Variants in KIAA0319 observed in about 807,000 individuals in gnomAD.
KIAA0319 encodes dyslexia-associated protein KIAA0319.
A neutral mutation model predicts 108.4 loss-of-function variants in KIAA0319; 83 were observed. The observed-to-expected ratio is 0.77, with a 90% CI of 0.64 to 0.92. The LOEUF (loss-of-function observed/expected upper bound fraction) is 0.92. Among genes scored for constraint, KIAA0319 ranks in the 40% least tolerant of loss-of-function variants. The pLI, the probability that KIAA0319 is intolerant of heterozygous loss-of-function variation, is 0.00. For synonymous variants in KIAA0319, 484 were observed against 510.4 expected (o/e 0.95, Z 0.70); for missense variants, 1,195 against 1,322.4 (o/e 0.90, Z 1.49).
chr6:24,645,027 T>A (rs187616200), intron 1 of KIAA0319, among the ~76,000 whole-genome samples: 1 of 152,324 alleles, frequency 6.6e-6, no homozygotes, highest in East Asian at 1.9e-4. Context: ...ATTGAAGCAT[T>A]TGGAAAGTGA....
chr6:24,552,701 G>A (rs972962140), intron 19 of KIAA0319, among the ~76,000 whole-genome samples: 5 of 152,136 alleles, frequency 3.3e-5, no homozygotes, highest in African/African-American at 1.2e-4. Flanking sequence ...TTCCTCCCGG[G>A]TTCAAGCGAT....
chr6:24,596,592 C>A lies in KIAA0319; in HGVS notation c.82G>T (p.Gly28Trp). 6.2e-7 allele frequency: 1 copy of A among 1,610,970 alleles called. No homozygotes were observed. The highest frequency in any genetic ancestry group is 1.1e-5 in the South Asian group (1 of 91,022). ...ATGACTGCATTGGAATATGTCCTCC[C>A]CTCGCTGCACTGCTTACGGGCACAA... The part of the protein sequence containing the change: ...AGCARKQCSE[G>W]RTYSNAVISP... The change falls in exon 3 of 21, where the codon GGG becomes TGG. Residue 28 changes from glycine (G) to tryptophan (W), a missense_variant. Transcript: ENST00000378214.
chr6:24,601,110 C>T lies in KIAA0319; in HGVS notation c.-7G>A. The T allele has an allele frequency of 6.2e-7, 1 of 1,614,058 alleles. No homozygotes were observed. Among genetic ancestry groups the T allele is most frequent in the South Asian group, 1.1e-5 (1 of 91,068 alleles). ...CACCTGTGGGGGGCGCCATTGTGCA[C>T]CACACAGTGGGTGATGGCAGGCTTC... On this transcript the variant is annotated 5_prime_UTR_variant, in exon 2 of 21. In the 5' UTR this introduces an upstream ATG that the reference lacks. Coordinates refer to ENST00000378214, the MANE Select transcript of KIAA0319 (RefSeq NM_014809.4).
At chr6:24,595,575 A>G (rs555004696) in intron 3 of KIAA0319, among the ~76,000 whole-genome samples, 1 of 144,072 alleles carries the variant, frequency 6.9e-6, no homozygotes, top group South Asian at 2.3e-4. Flanking sequence ...AAAAAACGCT[A>G]CAGGCATTTC....
intron 19 of KIAA0319, among the ~76,000 whole-genome samples, chr6:24,552,793 T>G (rs1287305008): frequency 6.6e-6 from 1 of 152,102 alleles, no homozygotes; most frequent in East Asian, 1.9e-4. Context: ...TCAGTAGAGG[T>G]GGGGTTTCTC....
At chr6:24,645,003 T>C (rs1444431302) in intron 1 of KIAA0319, among the ~76,000 whole-genome samples, 1 of 152,322 alleles carries the variant, frequency 6.6e-6, no homozygotes, top group East Asian at 1.9e-4. Context: ...ACAATTGTGG[T>C]CTTCTTATAA....
chr6:24,563,599 G>C, intron 15 of KIAA0319, 81 bp from the exon 16 acceptor site: 1 of 1,330,430 alleles, frequency 7.5e-7, no homozygotes. Context: ...TTCTATAGGA[G>C]CTCAAAGTTA....
At chr6:24,635,786 C>T (rs932421788) in intron 1 of KIAA0319, among the ~76,000 whole-genome samples, 41 of 152,302 alleles carry the variant, frequency 2.7e-4, no homozygotes, top group African/African-American at 9.1e-4. Context: ...AGACTGCTTT[C>T]AACTGAAAAC....
chr6:24,556,759 G>A (rs781240489), intron 17 of KIAA0319, 30 bp from the exon 18 acceptor site: 15 of 1,592,162 alleles, frequency 9.4e-6, no homozygotes, highest in Admixed American at 1.8e-5. Flanking sequence ...GCTGAGGGCA[G>A]CATGCAGAAA....
chr6:24,593,209 C>T (rs747111574), intron 3 of KIAA0319, among the ~76,000 whole-genome samples: 5 of 152,030 alleles, frequency 3.3e-5, no homozygotes, highest in Non-Finnish European at 7.4e-5. Flanking sequence ...AGTTTTGCCT[C>T]TGTTTGCACA....
intron 14 of KIAA0319, among the ~76,000 whole-genome samples, chr6:24,565,000 C>A (rs1424183402): frequency 1.3e-5 from 2 of 151,770 alleles, no homozygotes; most frequent in African/African-American, 2.4e-5. Context: ...GTAATCCCAC[C>A]ACTTTGGGAG....
chr6:24,617,830 T>C (rs1242674923), intron 1 of KIAA0319, among the ~76,000 whole-genome samples: 1 of 151,890 alleles, frequency 6.6e-6, no homozygotes, highest in Admixed American at 6.6e-5. Flanking sequence ...CTACTAAAAA[T>C]ACAAAAATTA....
chr6:24,547,340 A>G lies in KIAA0319; in HGVS notation c.3044T>C (p.Ile1015Thr), dbSNP rs555334494. ...GTTGTGCTCTGTGCTTCGGTGCTTG[A>G]TACCTAGAGAGAAGCACAGAAGCAT... is the stretch of plus-strand genomic sequence containing the variant. ...ERMELRPKYG[I>T]KHRSTEHNSS... is the part of the protein sequence containing the mutation. The change falls in exon 21 of 21, where the codon ATC becomes ACC. Residue 1015 changes from isoleucine to threonine, a missense_variant. Transcript: ENST00000378214. 1.9e-6 allele frequency: 3 copies of G among 1,613,642 alleles called. No individual in the cohort carries two copies. The highest frequency in any genetic ancestry group is 2.2e-5 in the South Asian group (2 of 91,054).
At chr6:24,632,431 A>G (rs1253035754) in intron 1 of KIAA0319, among the ~76,000 whole-genome samples, 3 of 152,194 alleles carry the variant, frequency 2.0e-5, no homozygotes, top group Admixed American at 2.0e-4. Flanking sequence ...TTTTCTAAGT[A>G]TCAATGAGTA....
chr6:24,632,857 T>C (rs1775746185), intron 1 of KIAA0319, among the ~76,000 whole-genome samples: 1 of 152,204 alleles, frequency 6.6e-6, no homozygotes, highest in Admixed American at 6.5e-5. Flanking sequence ...GATAATGCTT[T>C]ACAATTGTGG....
intron 15 of KIAA0319, 146 bp from the exon 16 acceptor site, chr6:24,563,664 A>C: frequency 1.6e-6 from 1 of 621,822 alleles, no homozygotes; most frequent in Non-Finnish European, 2.6e-6. Context: ...TCTTCTAAAC[A>C]CCGCAAAGGC....
At chr6:24,601,297 A>G in intron 1 of KIAA0319, 89 bp from the exon 2 acceptor site, 1 of 1,399,892 alleles carries the variant, frequency 7.1e-7, no homozygotes, top group Non-Finnish European at 9.3e-7. Context: ...CATTCATGTC[A>G]GTGGGAAGCC....
intron 11 of KIAA0319, among the ~76,000 whole-genome samples, chr6:24,571,708 C>A (rs574153260): frequency 6.6e-6 from 1 of 152,222 alleles, no homozygotes; most frequent in South Asian, 2.1e-4. Context: ...TTGGCGCCCA[C>A]GCATACTGTT....
chr6:24,579,843 T>C lies in KIAA0319; in HGVS notation c.1372+15A>G, dbSNP rs1766199151. 6.3e-7 allele frequency: 1 copy of C among 1,585,188 alleles called. No individual in the cohort carries two copies. Among genetic ancestry groups the C allele is most frequent in the Admixed American group, 1.7e-5 (1 of 57,174 alleles). ...GAGAAAAAAAGAAATCCCTAAACTA[T>C]CTCAGGATACACACGGCTGCCATCA... On this transcript the variant is annotated intron_variant, in intron 8 of 20. Transcript: ENST00000378214.
Sources: allele counts gnomAD v4.1 joint callset (sites outside exome capture counted in the v4.1 genomes callset), GRCh38; gene constraint gnomAD v4.1.1; transcripts MANE v1.5; gene names NCBI Gene and HGNC (gene_info 2026-07-23, HGNC 2026-07-21).